TPCN2: variants seen among roughly 807,000 people sequenced by gnomAD.
TPCN2 encodes the protein two pore segment channel 2.
In TPCN2, 92 loss-of-function variants were observed where a neutral mutation model predicts 111.4. The observed-to-expected ratio is 0.83, with a 90% CI of 0.70 to 0.98. The LOEUF is 0.98. TPCN2 is among the 50% of genes least tolerant of loss of function. The pLI is 0.00. For missense variants in TPCN2, 995 were observed against 980.1 expected, an observed-to-expected ratio of 1.02 and a Z score of -0.20; for synonymous variants, 405 against 414.5, an observed-to-expected ratio of 0.98 and a Z score of 0.28.
chr11:69,085,634 GC>G (rs957571649), intron 20 of TPCN2, 36 bp from the exon 21 acceptor site: 2 of 1,387,132 alleles, frequency 1.4e-6, no homozygotes, highest in South Asian at 1.2e-5. Flanking sequence ...AGAACCTGGA[GC>G]CCCCGCCCCT....
intron 8 of TPCN2, among the ~76,000 whole-genome samples, chr11:69,068,296 G>A (rs992706871): frequency 6.7e-6 from 1 of 150,316 alleles, no homozygotes; most frequent in Non-Finnish European, 1.5e-5. Context: ...CCTAGGAAGT[G>A]ACCGCACTGG....
intron 3 of TPCN2, 106 bp downstream of exon 3, chr11:69,054,903 C>G: frequency 8.6e-7 from 1 of 1,168,890 alleles, no homozygotes; most frequent in Non-Finnish European, 1.2e-6. Context: ...GGCAGGCTCC[C>G]CACTACATAG....
At chr11:69,071,724 C>G (rs369975094) in intron 10 of TPCN2, among the ~76,000 whole-genome samples, 199 bp from the exon 11 acceptor site, 2 of 152,192 alleles carry the variant, frequency 1.3e-5, no homozygotes, top group African/African-American at 4.8e-5. Flanking sequence ...CAGACTCCTT[C>G]CTGTGCGGCC....
intron 5 of TPCN2, among the ~76,000 whole-genome samples, chr11:69,058,569 G>A (rs1363012350): frequency 6.6e-6 from 1 of 152,268 alleles, no homozygotes; most frequent in Non-Finnish European, 1.5e-5. Flanking sequence ...GAACAGCCTA[G>A]TGAGTGCATC....
chr11:69,085,405 C>T, intron 20 of TPCN2, 119 bp downstream of exon 20: 1 of 1,012,390 alleles, frequency 9.9e-7, no homozygotes, highest in Non-Finnish European at 1.6e-6. Flanking sequence ...TCTCCCAGTT[C>T]CTTCGTCTCC....
intron 7 of TPCN2, among the ~76,000 whole-genome samples, chr11:69,065,366 A>G (rs1466223): frequency 0.94 from 143,197 of 152,266 alleles, 67,721 homozygotes; most frequent in Non-Finnish European, 1. Flanking sequence ...GTGGTCCTCG[A>G]CCCCGGGAAA....
rs747393270 is a variant in TPCN2, at chr11:69,087,953, A to C, written c.2259A>C (p.Ter753CysextTer123). ...ACCCGCACCTGTGGCTGTGCAGGTGACGTCCGGGCTGCCGTCCCAGCAGGG... is the reference window on the plus strand; with the variant it reads ...ACCCGCACCTGTGGCTGTGCAGGTGCCGTCCGGGCTGCCGTCCCAGCAGGG... ...SQHPHLWLCR[*>C] The change falls in exon 25 of 25, where the codon TGA (stop) becomes TGC (cysteine). Residue 753 changes from the stop codon to cysteine (C), a stop_lost. Transcript: ENST00000294309. 3.7e-6 allele frequency: 6 copies of C among 1,606,830 alleles called. No homozygotes were observed. The African/African-American group carries it at 8.0e-5, about 21-fold the overall frequency.
rs371515324 is a variant in TPCN2 at position 69,085,929 on chromosome 11, C to G, written c.2002C>G (p.Pro668Ala). Residue 668 changes from proline to alanine, a missense_variant and splice_region_variant, in exon 22 of 25, where the codon CCG becomes GCG. Pro to Ala is a conservative substitution (Grantham distance 27). Transcript: ENST00000294309. Reference sequence around the variant, plus strand: ...GGATGCATATCGGCGCTACTCAGGCCCGTGAGTCCTCGTCTCCCTGACGGC... The same window carrying G: ...GGATGCATATCGGCGCTACTCAGGCGCGTGAGTCCTCGTCTCCCTGACGGC... ...FLDAYRRYSG[P>A]WSKIYFVLWW... The G allele has an allele frequency of 1.2e-6, 2 of 1,613,584 alleles. No homozygotes were observed. Among genetic ancestry groups the G allele is most frequent in the Non-Finnish European group, 8.5e-7 (1 of 1,179,582 alleles).
chr11:69,053,278 G>A (rs1861316208), intron 1 of TPCN2, among the ~76,000 whole-genome samples: 1 of 152,230 alleles, frequency 6.6e-6, no homozygotes, highest in Non-Finnish European at 1.5e-5. Flanking sequence ...AGAAGGCACC[G>A]GCAGAGGCTG....
intron 5 of TPCN2, among the ~76,000 whole-genome samples, chr11:69,060,084 C>T (rs1854953451): frequency 6.6e-6 from 1 of 152,234 alleles, no homozygotes; most frequent in South Asian, 2.1e-4. Flanking sequence ...ACGTGCCCTG[C>T]AGAAAAGCTC....
At chr11:69,065,179 T>G (rs1855217371) in intron 7 of TPCN2, among the ~76,000 whole-genome samples, 1 of 152,122 alleles carries the variant, frequency 6.6e-6, no homozygotes, top group African/African-American at 2.4e-5. Flanking sequence ...TGCCTGTCTG[T>G]GGGTGGTGGG....
Position 69,054,755 on chromosome 11 carries a change from CG to C in TPCN2, c.210del (p.Met71CysfsTer16). 6.2e-7 allele frequency: 1 copy of C among 1,614,132 alleles called. No individual in the cohort carries two copies. Among genetic ancestry groups the C allele is most frequent in the Non-Finnish European group, 8.5e-7 (1 of 1,180,004 alleles). ...ATCAACCACCGGGTGGATGCCAGCT[CG>C]ATGTGGCTTTACCGACGGTATTACT... Reference protein sequence around the residue: ...RSINHRVDASSMWLYRRYYSN... With the variant: ...RSINHRVDASXMWLYRRYYSN... On this transcript the variant is annotated frameshift_variant, in exon 3 of 25. Transcript: ENST00000294309. LOFTEE classifies it high-confidence loss of function.
In TPCN2 at chr11:69,078,497, G is replaced by T; in HGVS notation, c.1246G>T (p.Glu416Ter). The T allele has an allele frequency of 1.9e-6, 3 of 1,614,096 alleles. No homozygotes were observed. Among genetic ancestry groups the T allele is most frequent in the Non-Finnish European group, 2.5e-6 (3 of 1,180,026 alleles). The change falls in exon 14 of 25, where the codon GAG (glutamate) becomes TAG (stop). Residue 416 changes from glutamate to a stop codon, truncating the protein, a stop_gained. Coordinates refer to ENST00000294309, the MANE Select transcript of TPCN2 (RefSeq NM_139075.4). LOFTEE classifies it high-confidence loss of function. Reference sequence around the variant, plus strand: ...CCTTGCCCAGCACCCGCCGAGGCCCGAGTACCAGTCTCCGTTTCTGCAGAG... The same window carrying T: ...CCTTGCCCAGCACCCGCCGAGGCCCTAGTACCAGTCTCCGTTTCTGCAGAG... The part of the protein sequence containing the change: ...SVVKEHPPRP[E>*]YQSPFLQSAQ...
At chr11:69,050,790 G>A (rs1203791955) in intron 1 of TPCN2, among the ~76,000 whole-genome samples, 2 of 152,226 alleles carry the variant, frequency 1.3e-5, no homozygotes, top group South Asian at 2.1e-4. Flanking sequence ...AGGGCCCGGC[G>A]GGCTGGTGTG....
chr11:69,071,532 G>A (rs1861777899), intron 10 of TPCN2, 112 bp downstream of exon 10: 5 of 928,504 alleles, frequency 5.4e-6, no homozygotes, highest in Non-Finnish European at 6.8e-6. Flanking sequence ...CTGGTGGGAC[G>A]GGAGGGCAGG....
At chr11:69,053,842 T>C (rs1332783206) in intron 1 of TPCN2, among the ~76,000 whole-genome samples, 191 bp from the exon 2 acceptor site, 3 of 152,200 alleles carry the variant, frequency 2.0e-5, no homozygotes, top group African/African-American at 7.2e-5. Context: ...GTGCATTTGA[T>C]GCCGAGGCAC....
intron 19 of TPCN2, among the ~76,000 whole-genome samples, chr11:69,084,483 C>T (rs563853056): frequency 2.0e-5 from 3 of 152,308 alleles, no homozygotes; most frequent in Non-Finnish European, 2.9e-5. Flanking sequence ...TGGGACGCCC[C>T]GGCCCCTCCC....
intron 8 of TPCN2, among the ~76,000 whole-genome samples, chr11:69,069,742 G>A (rs1233361456): frequency 7.9e-6 from 1 of 126,080 alleles, no homozygotes; most frequent in African/African-American, 2.9e-5. Context: ...GGAAGTGACC[G>A]CACTGGGAGC....
rs1012925995 is a variant in TPCN2 at position 69,049,043 on chromosome 11, C to T, written c.46C>T (p.Arg16Cys). ...AESEPLLGGA[R>C]GGGGDWPAGL... ...GTCGGAGCCCCTGCTGGGCGGGGCC[C>T]GCGGCGGTGGCGGCGACTGGCCGGC... Residue 16 changes from arginine to cysteine, a missense_variant, in exon 1 of 25, where the codon CGC becomes TGC. Coordinates refer to ENST00000294309, the MANE Select transcript of TPCN2 (RefSeq NM_139075.4). 2 of 1,242,284 alleles carry T rather than the reference C, an allele frequency of 1.6e-6. No homozygotes were observed. The highest frequency in any genetic ancestry group is 2.0e-6 in the Non-Finnish European group (2 of 988,674). 77.0% of individuals were successfully genotyped at this position (1,242,284 alleles called of 1,614,324 possible).
Sources: allele counts gnomAD v4.1 joint callset (sites outside exome capture counted in the v4.1 genomes callset), GRCh38; gene constraint gnomAD v4.1.1; transcripts MANE v1.5; gene names NCBI Gene and HGNC (gene_info 2026-07-23, HGNC 2026-07-21).